The following COL26A1 variants were observed in gnomAD, a reference collection of about 807,000 sequenced individuals.
COL26A1 encodes collagen type XXVI alpha 1 chain.
Under a neutral mutation model 59.3 loss-of-function variants are expected in COL26A1, and 41 were observed. The observed-to-expected ratio is 0.69, with a 90% confidence interval of 0.54 to 0.90. COL26A1 has a LOEUF of 0.90. Among genes scored for constraint, COL26A1 ranks in the 40% least tolerant of loss-of-function variants. The pLI is 0.00. For missense variants in COL26A1, 612 were observed against 602.3 expected (o/e 1.02, Z -0.17); for synonymous variants, 266 against 256.0 (o/e 1.04, Z -0.37).
intron 1 of COL26A1, among the ~76,000 whole-genome samples, chr7:101,419,641 C>T (rs1792463537): frequency 6.6e-6 from 1 of 152,224 alleles, no homozygotes; most frequent in African/African-American, 2.4e-5. Context: ...GTGTGTTCAC[C>T]ACGTGGTGGA....
intron 8 of COL26A1, among the ~76,000 whole-genome samples, chr7:101,548,281 A>G (rs1454544543): frequency 6.6e-6 from 1 of 152,118 alleles, no homozygotes; most frequent in African/African-American, 2.4e-5. Context: ...GGGAGGGATC[A>G]TGAGAGACCC....
intron 1 of COL26A1, among the ~76,000 whole-genome samples, chr7:101,404,021 G>A (rs185925671): frequency 6.6e-6 from 1 of 152,152 alleles, no homozygotes; most frequent in African/African-American, 2.4e-5. Flanking sequence ...TTGAACCAGG[G>A]AGGTGGATGT....
At chr7:101,530,419 C>T (rs1210165139) in intron 3 of COL26A1, among the ~76,000 whole-genome samples, 2 of 151,468 alleles carry the variant, frequency 1.3e-5, no homozygotes, top group Non-Finnish European at 2.9e-5. Context: ...AAATACACAA[C>T]TAGCCGGGCG....
intron 4 of COL26A1, among the ~76,000 whole-genome samples, chr7:101,535,203 G>T (rs1038991340): frequency 1.2e-4 from 18 of 152,308 alleles, no homozygotes; most frequent in African/African-American, 4.3e-4. Context: ...AGGATTGGAG[G>T]GCTCCAGGGA....
intron 1 of COL26A1, among the ~76,000 whole-genome samples, chr7:101,363,777 G>A (rs1790971154): frequency 6.6e-6 from 1 of 152,172 alleles, no homozygotes; most frequent in Non-Finnish European, 1.5e-5. Context: ...CGTGGCTGGG[G>A]CTGGGGCTCT....
rs527916406 is a variant in COL26A1 at position 101,527,736 on chromosome 7, G to A, written c.386-5346G>A. Among the ~76,000 whole-genome samples the A allele has an allele frequency of 5.9e-5, 9 of 152,004 alleles. No individual in the cohort carries two copies. In the East Asian group the frequency reaches 1.4e-3, roughly 23 times the overall value. ...ACACCTATTGGCAAAGGTTTACCCC[G>A]CTGGTTTCTGTGTGGGTCCTAGACG... On this transcript the variant is annotated intron_variant, in intron 3 of 12. Coordinates refer to ENST00000313669, the MANE Select transcript of COL26A1 (RefSeq NM_001278563.3).
intron 1 of COL26A1, among the ~76,000 whole-genome samples, chr7:101,406,305 G>GT (rs1158691275): frequency 6.6e-6 from 1 of 152,080 alleles, no homozygotes; most frequent in East Asian, 1.9e-4. Flanking sequence ...CACTCCTACT[G>GT]TTTTTTGTGC....
chr7:101,516,293 G>A (rs1795027475), intron 3 of COL26A1, among the ~76,000 whole-genome samples: 1 of 151,936 alleles, frequency 6.6e-6, no homozygotes, highest in South Asian at 2.1e-4. Context: ...GAGAGAGAAA[G>A]AGAGTTTTGC....
rs1408091945 is a variant in COL26A1, at chr7:101,387,767, TATATA to T, written c.158+24578_158+24582del. Among the ~76,000 whole-genome samples the T allele has an allele frequency of 3.8e-3, 181 of 48,166 alleles. 1 individual carries two copies. The highest frequency in any genetic ancestry group is 9.6e-3 in the African/African-American group (174 of 18,036). 31.6% of individuals were successfully genotyped at this position (48,166 alleles called of 152,430 possible). On this transcript the variant is annotated intron_variant, in intron 1 of 12. Transcript: ENST00000313669. ...ATATATATATATTTATATATATATA[TATATA>T]TATATATTTTTTTTTAAGACAGAGT...
intron 3 of COL26A1, among the ~76,000 whole-genome samples, chr7:101,457,729 A>G (rs890486323): frequency 4.6e-5 from 7 of 152,150 alleles, no homozygotes; most frequent in Admixed American, 2.6e-4. Flanking sequence ...CTTTATATAA[A>G]TGGAACCATA....
At chr7:101,535,115 G>A (rs1197492470) in intron 4 of COL26A1, among the ~76,000 whole-genome samples, 2 of 152,182 alleles carry the variant, frequency 1.3e-5, no homozygotes, top group Non-Finnish European at 2.9e-5. Flanking sequence ...GGGTCTCCCA[G>A]CAGCCCAGGC....
intron 2 of COL26A1, among the ~76,000 whole-genome samples, chr7:101,436,957 G>A (rs1371401967): frequency 3.9e-5 from 6 of 151,920 alleles, no homozygotes; most frequent in Non-Finnish European, 5.9e-5. Flanking sequence ...CAGGTGATCC[G>A]CCCGCCTTGA....
At chr7:101,420,186 G>A in intron 2 of COL26A1, 87 bp downstream of exon 2, 5 of 1,525,532 alleles carry the variant, frequency 3.3e-6, no homozygotes, top group Middle Eastern at 2.2e-4. Flanking sequence ...GGAGAGGCTG[G>A]GCTGTGCTCA....
intron 3 of COL26A1, among the ~76,000 whole-genome samples, chr7:101,499,135 T>TGGA (rs1253779712): frequency 1.3e-5 from 2 of 152,182 alleles, no homozygotes; most frequent in African/African-American, 4.8e-5. Flanking sequence ...GTGCCTTGGC[T>TGGA]GGAGTTCGCG....
At chr7:101,426,638 G>T (rs1301450750) in intron 2 of COL26A1, among the ~76,000 whole-genome samples, 1 of 152,152 alleles carries the variant, frequency 6.6e-6, no homozygotes, top group Non-Finnish European at 1.5e-5. Flanking sequence ...TTTCCTCTGA[G>T]CCTCAGTTTC....
chr7:101,487,097 G>A (rs1794285248), intron 3 of COL26A1, among the ~76,000 whole-genome samples: 1 of 152,202 alleles, frequency 6.6e-6, no homozygotes. Context: ...ATGCAGGGCG[G>A]GGAGGAGGGG....
At chr7:101,401,668 GGAA>G (rs971269587) in intron 1 of COL26A1, among the ~76,000 whole-genome samples, 2 of 96,684 alleles carry the variant, frequency 2.1e-5, no homozygotes, top group African/African-American at 6.3e-5. Flanking sequence ...AGGAAGAGGA[GGAA>G]GAAGATGTTG....
At chr7:101,536,947 C>T (rs547137734) in intron 4 of COL26A1, among the ~76,000 whole-genome samples, 31 of 152,286 alleles carry the variant, frequency 2.0e-4, no homozygotes, top group Non-Finnish European at 3.2e-4. Flanking sequence ...AGACTCCTTA[C>T]GTTTCATGAG....
In COL26A1 at chr7:101,463,155, A is replaced by G. The variant is rs545164852; in HGVS notation, c.385+15368A>G. ...AAAGAGAACAGGGCTTTGGTTTTGC[A>G]AGATTAAAAAGGTCTGCAAATTAAT... On this transcript the variant is annotated intron_variant, in intron 3 of 12. Transcript: ENST00000313669. 2.0e-5 allele frequency among the ~76,000 whole-genome samples: 3 copies of G among 152,324 alleles called. No individual in the cohort carries two copies. The South Asian group carries it at 6.2e-4, about 32-fold the overall frequency.
Sources: gnomAD v4.1 joint callset for allele counts (sites outside exome capture counted in the v4.1 genomes callset) on GRCh38, gnomAD v4.1.1 for gene constraint, MANE v1.5 for transcripts, NCBI Gene and HGNC (gene_info 2026-07-23, HGNC 2026-07-21) for gene names.